FHIT: variants seen among roughly 807,000 people sequenced by gnomAD.
FHIT encodes bis(5'-adenosyl)-triphosphatase.
FHIT carries 19 observed loss-of-function variants against 17.9 expected under a neutral mutation model. The observed-to-expected ratio is 1.06, with a 90% CI of 0.74 to 1.56. FHIT has a LOEUF of 1.56. Among genes scored for constraint, FHIT ranks in the 40% most tolerant of loss-of-function variants. FHIT has a pLI of 0.00. For synonymous variants in FHIT, 81 were observed against 69.7 expected (o/e 1.16, Z -0.81); for missense variants, 248 against 189.2 (o/e 1.31, Z -1.82).
At chr3:60,925,469 A>G (rs183752468) in intron 3 of FHIT, among the ~76,000 whole-genome samples, 72 of 152,330 alleles carry the variant, frequency 4.7e-4, no homozygotes, top group African/African-American at 1.7e-3. Flanking sequence ...TAAGCTTCAT[A>G]AGTGAAGGAG....
intron 4 of FHIT, among the ~76,000 whole-genome samples, chr3:60,620,071 T>C (rs1195189515): frequency 6.6e-6 from 1 of 152,132 alleles, no homozygotes; most frequent in Non-Finnish European, 1.5e-5. Context: ...TCAACATATA[T>C]TATTAGGATA....
chr3:60,511,680 C>T (rs943682920), intron 5 of FHIT, among the ~76,000 whole-genome samples: 12 of 152,118 alleles, frequency 7.9e-5, no homozygotes, highest in African/African-American at 2.7e-4. Flanking sequence ...GAAACAATGT[C>T]ACCTGAGTAG....
intron 5 of FHIT, among the ~76,000 whole-genome samples, chr3:60,071,587 C>T (rs975782452): frequency 6.6e-6 from 1 of 152,120 alleles, no homozygotes; most frequent in Non-Finnish European, 1.5e-5. Flanking sequence ...TATAGCATCT[C>T]TGGAATAAGA....
At chr3:59,889,962 T>C (rs73100688) in intron 8 of FHIT, among the ~76,000 whole-genome samples, 4,254 of 152,330 alleles carry the variant, frequency 0.028, 80 homozygotes, top group South Asian at 0.078. Flanking sequence ...TATCTCTCTC[T>C]TTCATGTGAA....
chr3:60,226,654 C>G (rs1704220646), intron 5 of FHIT, among the ~76,000 whole-genome samples: 1 of 151,928 alleles, frequency 6.6e-6, no homozygotes, highest in Admixed American at 6.6e-5. Context: ...GGGAAAACAA[C>G]AGTTGGTTGT....
At chr3:60,672,915 G>A (rs1345863628) in intron 4 of FHIT, among the ~76,000 whole-genome samples, 1 of 150,710 alleles carries the variant, frequency 6.6e-6, no homozygotes, top group Non-Finnish European at 1.5e-5. Context: ...GTGCATGCAT[G>A]CTCTAGGACT....
At chr3:60,239,068 A>G (rs1201257544) in intron 5 of FHIT, among the ~76,000 whole-genome samples, 6 of 152,172 alleles carry the variant, frequency 3.9e-5, no homozygotes, top group Non-Finnish European at 7.3e-5. Context: ...CAGCCATTTC[A>G]GCCATGAGTA....
chr3:61,014,807 A>AAATGTATAT (rs1553798839), intron 3 of FHIT, among the ~76,000 whole-genome samples: 2 of 49,120 alleles, frequency 4.1e-5, no homozygotes, highest in African/African-American at 1.1e-4. Flanking sequence ...AAAAAAAAAA[A>AAATGTATAT]ATATATATAT....
At chr3:60,811,165 G>C (rs1701560501) in intron 4 of FHIT, among the ~76,000 whole-genome samples, 1 of 152,182 alleles carries the variant, frequency 6.6e-6, no homozygotes, top group African/African-American at 2.4e-5. Context: ...CAGAAATTCA[G>C]AGTATGGGGT....
At chr3:60,590,208 T>C (rs2038039563) in intron 4 of FHIT, among the ~76,000 whole-genome samples, 1 of 152,090 alleles carries the variant, frequency 6.6e-6, no homozygotes, top group South Asian at 2.1e-4. Context: ...AGGAACTCTG[T>C]GGAACGCTTC....
chr3:61,053,557 C>G (rs1362311308), intron 2 of FHIT, among the ~76,000 whole-genome samples: 1 of 152,004 alleles, frequency 6.6e-6, no homozygotes, highest in African/African-American at 2.4e-5. Context: ...ACTCAAGAGG[C>G]TGAGGCAGGA....
Position 60,562,226 on chromosome 3 carries a change from G to C in FHIT, c.-17-25247C>G, listed in dbSNP as rs1000947632. Among the ~76,000 whole-genome samples the C allele has an allele frequency of 2.6e-5, 4 of 152,118 alleles. No homozygotes were observed. The East Asian group carries it at 7.7e-4, about 29-fold the overall frequency. On this transcript the variant is annotated intron_variant, in intron 4 of 9. Coordinates refer to ENST00000492590, the MANE Select transcript of FHIT (RefSeq NM_002012.4). ...TTAACAACTACATACATTAAACACTGCCCTTTTATGGTTACGGAAAGACAG... is the reference window on the plus strand; with the variant it reads ...TTAACAACTACATACATTAAACACTCCCCTTTTATGGTTACGGAAAGACAG...
chr3:60,460,795 G>C (rs538216757), intron 5 of FHIT, among the ~76,000 whole-genome samples: 27 of 152,244 alleles, frequency 1.8e-4, no homozygotes, highest in Middle Eastern at 6.8e-3. Context: ...ATAGATGCAG[G>C]CTGGAAGACA....
intron 2 of FHIT, among the ~76,000 whole-genome samples, chr3:61,082,951 G>C (rs1051117690): frequency 6.6e-6 from 1 of 152,094 alleles, no homozygotes; most frequent in Non-Finnish European, 1.5e-5. Context: ...ATTCAGGGTG[G>C]TATGGCCGTA....
intron 2 of FHIT, among the ~76,000 whole-genome samples, chr3:61,194,823 C>T (rs749329971): frequency 2.6e-5 from 4 of 152,098 alleles, no homozygotes; most frequent in Admixed American, 6.6e-5. Flanking sequence ...ATGGGAAGCT[C>T]TATTAACACC....
intron 5 of FHIT, among the ~76,000 whole-genome samples, chr3:60,127,304 C>G (rs568493310): frequency 2.0e-5 from 3 of 152,310 alleles, no homozygotes; most frequent in Admixed American, 6.5e-5. Context: ...TCCCAGCCTA[C>G]GCATTTCTAT....
At chr3:61,250,950 T>C (rs1395935638) in intron 1 of FHIT, among the ~76,000 whole-genome samples, 2 of 152,206 alleles carry the variant, frequency 1.3e-5, no homozygotes. Flanking sequence ...TCGCTACTTG[T>C]CTATGAAACT....
At chr3:60,119,360 A>T (rs1246002211) in intron 5 of FHIT, among the ~76,000 whole-genome samples, 1 of 150,404 alleles carries the variant, frequency 6.6e-6, no homozygotes, top group Admixed American at 6.6e-5. Context: ...GGCATAAGCC[A>T]TCATGCCCAG....
intron 8 of FHIT, among the ~76,000 whole-genome samples, chr3:59,791,225 T>C (rs1026573538): frequency 6.6e-6 from 1 of 152,204 alleles, no homozygotes; most frequent in Non-Finnish European, 1.5e-5. Flanking sequence ...GGGAACCCTA[T>C]CCTTCTGGCC....
Sources: gnomAD v4.1 joint callset for allele counts (sites outside exome capture counted in the v4.1 genomes callset) on GRCh38, gnomAD v4.1.1 for gene constraint, MANE v1.5 for transcripts, NCBI Gene and HGNC (gene_info 2026-07-23, HGNC 2026-07-21) for gene names.